The following TTBK2 variants were observed in gnomAD, a reference collection of about 807,000 sequenced individuals.
TTBK2 encodes tau-tubulin kinase 2.
A neutral mutation model predicts 110.8 loss-of-function variants in TTBK2; 28 were observed. The ratio of observed to expected loss-of-function variants is 0.25; its 90% CI spans 0.19 to 0.35. The LOEUF (loss-of-function observed/expected upper bound fraction) is 0.35. TTBK2 is among the 10% of genes least tolerant of loss of function. The pLI, the probability that TTBK2 is intolerant of heterozygous loss-of-function variation, is 1.00. For missense variants in TTBK2, 1,369 were observed against 1,500.3 expected, an observed-to-expected ratio of 0.91 and a Z score of 1.45; for synonymous variants, 532 against 527.3, an observed-to-expected ratio of 1.01 and a Z score of -0.12.
chr15:42,820,959 G>A (rs1357957592), intron 6 of TTBK2, among the ~76,000 whole-genome samples: 4 of 152,108 alleles, frequency 2.6e-5, no homozygotes, highest in Non-Finnish European at 4.4e-5. Flanking sequence ...GATGTGGCAG[G>A]AGGACTGCTG....
intron 11 of TTBK2, among the ~76,000 whole-genome samples, chr15:42,780,905 A>C (rs1890153001): frequency 6.6e-6 from 1 of 152,200 alleles, no homozygotes; most frequent in Non-Finnish European, 1.5e-5. Flanking sequence ...CAGAGGTTGC[A>C]GTGAGCCGAG....
At chr15:42,751,376 T>A (rs1424551374) in intron 14 of TTBK2, among the ~76,000 whole-genome samples, 2 of 152,212 alleles carry the variant, frequency 1.3e-5, no homozygotes, top group African/African-American at 4.8e-5. Context: ...GTGTTATAAC[T>A]TTAGAATATT....
Position 42,783,003 on chromosome 15 carries a change from C to T in TTBK2, c.1197+416G>A, listed in dbSNP as rs1007392913. On this transcript the variant is annotated intron_variant, in intron 11 of 14. Coordinates refer to ENST00000267890, the MANE Select transcript of TTBK2 (RefSeq NM_173500.4). ...CCACTACTCATTCCTGATTACTATT[C>T]ATCCAGATTGTGCTTTGTCAACAGC... is the stretch of plus-strand genomic sequence containing the variant. Among the ~76,000 whole-genome samples, 8 of 152,292 alleles carry T rather than the reference C, an allele frequency of 5.3e-5. No homozygotes were observed. The East Asian group carries it at 1.4e-3, about 26-fold the overall frequency.
At chr15:42,840,835 A>G (rs1567054199) in intron 3 of TTBK2, among the ~76,000 whole-genome samples, 1 of 152,346 alleles carries the variant, frequency 6.6e-6, no homozygotes, top group East Asian at 1.9e-4. Context: ...TATGGTACTC[A>G]TTGTTATGAC....
intron 1 of TTBK2, among the ~76,000 whole-genome samples, chr15:42,891,543 ACT>A (rs960011986): frequency 3.0e-4 from 46 of 151,898 alleles, no homozygotes; most frequent in Non-Finnish European, 8.8e-5. Flanking sequence ...AAAAAAACAA[ACT>A]CTGAACTACA....
At chr15:42,782,743 A>C (rs1415396856) in intron 11 of TTBK2, among the ~76,000 whole-genome samples, 1 of 152,242 alleles carries the variant, frequency 6.6e-6, no homozygotes, top group Non-Finnish European at 1.5e-5. Flanking sequence ...TCTACCATTC[A>C]AATTTCACTG....
intron 12 of TTBK2, among the ~76,000 whole-genome samples, chr15:42,776,469 G>A (rs1164101651): frequency 6.6e-6 from 1 of 152,134 alleles, no homozygotes; most frequent in Non-Finnish European, 1.5e-5. Context: ...TATGTATATA[G>A]ATCTCTCAAG....
chr15:42,864,979 A>G (rs1894308922), intron 3 of TTBK2, among the ~76,000 whole-genome samples: 1 of 152,178 alleles, frequency 6.6e-6, no homozygotes, highest in South Asian at 2.1e-4. Context: ...CTACAATGAT[A>G]TAAAGGACAG....
intron 1 of TTBK2, among the ~76,000 whole-genome samples, chr15:42,887,490 G>A (rs1397236985): frequency 1.3e-4 from 20 of 152,060 alleles, no homozygotes; most frequent in Admixed American, 1.3e-3. Context: ...ACTTTAAAAG[G>A]ATTAAAGCCT....
At chr15:42,841,732 G>C (rs2141018764) in intron 3 of TTBK2, among the ~76,000 whole-genome samples, 1 of 152,256 alleles carries the variant, frequency 6.6e-6, no homozygotes, top group Non-Finnish European at 1.5e-5. Context: ...AAGGGGATTA[G>C]AGATAGATAA....
At chr15:42,791,097 C>T (rs1027523829) in intron 10 of TTBK2, among the ~76,000 whole-genome samples, 2 of 152,118 alleles carry the variant, frequency 1.3e-5, no homozygotes, top group Non-Finnish European at 2.9e-5. Context: ...CTGTGTTAGC[C>T]AGGATGGTCT....
chr15:42,816,097 T>A (rs1166696541), intron 7 of TTBK2, among the ~76,000 whole-genome samples: 5 of 116,552 alleles, frequency 4.3e-5, no homozygotes, highest in East Asian at 2.8e-4. Context: ...TATATATATA[T>A]ATATATATAT....
chr15:42,786,380 A>ATCCAAATG (rs768330010), intron 10 of TTBK2, among the ~76,000 whole-genome samples: 1 of 152,238 alleles, frequency 6.6e-6, no homozygotes, highest in Non-Finnish European at 1.5e-5. Context: ...CTACATGGTA[A>ATCCAAATG]TCCAAATGTT....
intron 11 of TTBK2, among the ~76,000 whole-genome samples, chr15:42,781,097 A>G (rs1045958963): frequency 6.6e-6 from 1 of 152,208 alleles, no homozygotes; most frequent in Non-Finnish European, 1.5e-5. Context: ...GAAAAAATAG[A>G]AAGATAAAGG....
intron 14 of TTBK2, among the ~76,000 whole-genome samples, chr15:42,750,133 G>C (rs2061845541): frequency 6.6e-6 from 1 of 151,640 alleles, no homozygotes. Flanking sequence ...CCGAAGAAAG[G>C]GGAAAATCTT....
At chr15:42,911,566 G>A (rs535831807) in intron 1 of TTBK2, among the ~76,000 whole-genome samples, 2 of 152,280 alleles carry the variant, frequency 1.3e-5, no homozygotes, top group South Asian at 4.1e-4. Flanking sequence ...CTTATACACT[G>A]GACTTGCCCT....
At chr15:42,898,944 G>A (rs754658213) in intron 1 of TTBK2, among the ~76,000 whole-genome samples, 3 of 152,156 alleles carry the variant, frequency 2.0e-5, no homozygotes, top group Non-Finnish European at 4.4e-5. Context: ...ATTATGTGCT[G>A]TTAAAACTCT....
chr15:42,857,465 A>T (rs1407427488), intron 3 of TTBK2: 1 of 152,190 alleles, frequency 6.6e-6, no homozygotes, highest in Non-Finnish European at 1.5e-5. Context: ...GACTGCAGTT[A>T]GCCATGATTG....
chr15:42,765,789 G>A lies in TTBK2; in HGVS notation c.1998+9346C>T, dbSNP rs189962261. 5.6e-3 allele frequency among the ~76,000 whole-genome samples: 855 copies of A among 152,218 alleles called. 8 individuals carry two copies. The highest frequency in any genetic ancestry group is 0.02 in the African/African-American group (817 of 41,538). ...AGAACACCACAAAGATACTCCATGA[G>A]AAGAGCAACTCCAAGACACAAAATT... On this transcript the variant is annotated intron_variant, in intron 13 of 14. Transcript: ENST00000267890.
Sources: gnomAD v4.1 joint callset for allele counts (sites outside exome capture counted in the v4.1 genomes callset) on GRCh38, gnomAD v4.1.1 for gene constraint, MANE v1.5 for transcripts, NCBI Gene and HGNC (gene_info 2026-07-23, HGNC 2026-07-21) for gene names.